PCDHGA9: variants seen among roughly 807,000 people sequenced by gnomAD.
PCDHGA9 encodes protocadherin gamma-A9.
In PCDHGA9, 37 loss-of-function variants were observed where a neutral mutation model predicts 62.5. That is an observed-to-expected ratio of 0.59 (90% CI 0.46 to 0.78). The LOEUF (loss-of-function observed/expected upper bound fraction) is 0.78. Ranked by LOEUF, PCDHGA9 falls within the 30% of genes least tolerant of loss-of-function variation. PCDHGA9 has a pLI of 0.00. For missense variants in PCDHGA9, 1,138 were observed against 1,166.2 expected (o/e 0.98, Z 0.35); for synonymous variants, 459 against 484.6 (o/e 0.95, Z 0.69).
chr5:141,439,363 A>G (rs922889903), intron 1 of PCDHGA9, among the ~76,000 whole-genome samples: 2 of 152,208 alleles, frequency 1.3e-5, no homozygotes, highest in African/African-American at 2.4e-5. Context: ...TCAAACATCA[A>G]GAAGAAATAA....
chr5:141,434,838 A>G (rs1363952147), intron 1 of PCDHGA9, among the ~76,000 whole-genome samples: 1 of 152,022 alleles, frequency 6.6e-6, no homozygotes, highest in Non-Finnish European at 1.5e-5. Context: ...GGCATTTATA[A>G]AGCAGACATC....
At chr5:141,414,230 C>T in intron 1 of PCDHGA9, 5 of 1,613,308 alleles carry the variant, frequency 3.1e-6, no homozygotes, top group Non-Finnish European at 4.2e-6. Flanking sequence ...CCAGAGCTGA[C>T]CATCACGTCT....
chr5:141,420,415 T>G, intron 1 of PCDHGA9: 1 of 1,217,298 alleles, frequency 8.2e-7, no homozygotes, highest in Non-Finnish European at 1.1e-6. Flanking sequence ...TTATCATTAT[T>G]AAAACAAAAG....
intron 3 of PCDHGA9, among the ~76,000 whole-genome samples, chr5:141,508,579 G>A (rs569867127): frequency 6.6e-6 from 1 of 152,234 alleles, no homozygotes; most frequent in East Asian, 1.9e-4. Flanking sequence ...ACCCACTCGG[G>A]GTGCTACTCA....
At chr5:141,409,324 G>C (rs759596277) in intron 1 of PCDHGA9, 1 of 1,614,000 alleles carries the variant, frequency 6.2e-7, no homozygotes, top group East Asian at 2.2e-5. Context: ...CACGGGATCT[G>C]GATTTCGGAG....
In PCDHGA9 at chr5:141,432,611, T is replaced by G. The variant is rs141541670; in HGVS notation, c.2424+27235T>G. The G allele has an allele frequency of 4.2e-4, 676 of 1,613,808 alleles. 1 individual carries two copies. The African/African-American group carries it at 5.6e-3, about 13-fold the overall frequency. On this transcript the variant is annotated intron_variant, in intron 1 of 3. Coordinates refer to ENST00000573521, the MANE Select transcript of PCDHGA9 (RefSeq NM_018921.3). This position sits in a 1 kb window ranked among gnomAD's most constrained non-coding sequence, Gnocchi z 6.0. ...CAAGGCCAGCGAGCCGGGACTCTTC[T>G]CGGTGGGTCTGCACACGGGCGAGGT...
intron 1 of PCDHGA9, among the ~76,000 whole-genome samples, chr5:141,473,090 T>C (rs1426311051): frequency 3.9e-5 from 6 of 152,064 alleles, no homozygotes; most frequent in African/African-American, 1.4e-4. Context: ...TTATCCACTG[T>C]GAGTTGTATT....
In PCDHGA9 at chr5:141,494,863, C is replaced by A. The variant is rs538734954; in HGVS notation, c.2481C>A (p.Ser827Arg). 17 of 1,614,118 alleles carry A rather than the reference C, an allele frequency of 1.1e-5. No individual in the cohort carries two copies. Among genetic ancestry groups the A allele is most frequent in the Non-Finnish European group, 1.4e-5 (17 of 1,179,994 alleles). Residue 827 changes from serine to arginine, a missense_variant and splice_region_variant, in exon 2 of 4, where the codon AGC becomes AGA. By Grantham distance (110) the Ser-to-Arg change is moderately radical. Transcript: ENST00000573521. ...RFSQAQRPGT[S>R]GSQNGDDTGT... ...CTCAGGCCCAGAGACCCGGCACCAG[C>A]GGGTAGGTGACTGATTCTCCAGCCC...
chr5:141,502,173 T>C (rs1377892969), intron 2 of PCDHGA9, among the ~76,000 whole-genome samples: 2 of 152,178 alleles, frequency 1.3e-5, no homozygotes, highest in African/African-American at 4.8e-5. Flanking sequence ...AGTTGAGGAA[T>C]TTAACATTAA....
intron 2 of PCDHGA9, among the ~76,000 whole-genome samples, chr5:141,500,812 T>C: frequency 6.6e-6 from 1 of 152,322 alleles, no homozygotes; most frequent in South Asian, 2.1e-4. Flanking sequence ...CATATGAATA[T>C]ACATATTATT....
intron 1 of PCDHGA9, chr5:141,415,377 C>T (rs774655293): frequency 1.2e-6 from 2 of 1,614,118 alleles, no homozygotes; most frequent in African/African-American, 2.7e-5. Flanking sequence ...CTTCAGGAGG[C>T]GGCTTGACAG....
rs1303066281 is a variant in PCDHGA9, at chr5:141,511,199, G to A, written c.*26G>A. The A allele has an allele frequency of 1.2e-6, 2 of 1,612,750 alleles. No homozygotes were observed. The highest frequency in any genetic ancestry group is 1.3e-5 in the African/African-American group (1 of 74,896). On this transcript the variant is annotated 3_prime_UTR_variant, in exon 4 of 4. Transcript: ENST00000573521. The stretch of plus-strand genomic sequence containing the variant: ...CATGGAGGCCAGGCCAAGAGCCACA[G>A]GGCGGCCTCTCCCCAACCAGCCCAG...
intron 1 of PCDHGA9, chr5:141,413,905 C>G: frequency 6.2e-7 from 1 of 1,613,338 alleles, no homozygotes; most frequent in Non-Finnish European, 8.5e-7. Context: ...TGACAACGCG[C>G]CGGTCTTCAC....
At chr5:141,408,076 A>C in intron 1 of PCDHGA9, 1 of 1,399,800 alleles carries the variant, frequency 7.1e-7, no homozygotes. Flanking sequence ...GACCTTTCCC[A>C]GCACAGCGGA....
At chr5:141,500,914 G>T (rs1237339394) in intron 2 of PCDHGA9, among the ~76,000 whole-genome samples, 2 of 151,130 alleles carry the variant, frequency 1.3e-5, no homozygotes, top group Non-Finnish European at 2.9e-5. Flanking sequence ...CTGTCTCCAG[G>T]CTGGGGTGCA....
intron 1 of PCDHGA9, among the ~76,000 whole-genome samples, chr5:141,465,538 A>AT (rs2099105284): frequency 6.6e-6 from 1 of 152,112 alleles, no homozygotes; most frequent in Non-Finnish European, 1.5e-5. Context: ...TTTCCCAGGC[A>AT]TTTTTTCTGC....
intron 1 of PCDHGA9, chr5:141,418,494 T>TGATGGTGGG: frequency 6.2e-7 from 1 of 1,614,020 alleles, no homozygotes; most frequent in Non-Finnish European, 8.5e-7. Context: ...CACTTGGTAC[T>TGATGGTGGG]GACCGCCTTA....
chr5:141,483,166 A>G (rs1288499520), intron 1 of PCDHGA9, among the ~76,000 whole-genome samples: 1 of 152,138 alleles, frequency 6.6e-6, no homozygotes, highest in Non-Finnish European at 1.5e-5. Flanking sequence ...ATCCTGAGTT[A>G]CCTTTGGGCC....
At chr5:141,415,255 A>G (rs908329007) in intron 1 of PCDHGA9, 1 of 1,613,620 alleles carries the variant, frequency 6.2e-7, no homozygotes, top group African/African-American at 1.3e-5. Context: ...CTCAGACCTC[A>G]CTCTGTACCT....
Sources: allele counts gnomAD v4.1 joint callset (sites outside exome capture counted in the v4.1 genomes callset), GRCh38; gene constraint gnomAD v4.1.1; non-coding constraint Gnocchi (gnomAD v3.1); transcripts MANE v1.5; gene names NCBI Gene and HGNC (gene_info 2026-07-23, HGNC 2026-07-21).